Variants in MAPRE2 observed in about 807,000 individuals in gnomAD.
MAPRE2 encodes the protein microtubule associated protein RP/EB family member 2, also known as microtubule-associated protein RP/EB family member 2.
Under a neutral mutation model 43.2 loss-of-function variants are expected in MAPRE2, and 13 were observed. The observed-to-expected ratio is 0.30, with a 90% confidence interval of 0.20 to 0.48. MAPRE2 has a LOEUF of 0.48. Among genes scored for constraint, MAPRE2 ranks in the 20% least tolerant of loss-of-function variants. The probability of loss-of-function intolerance (pLI) is 0.99; values close to 1 mark genes in which losing one functional copy is unlikely to be tolerated. For synonymous variants in MAPRE2, 135 were observed against 148.8 expected (o/e 0.91, Z 0.68); for missense variants, 161 against 400.2 (o/e 0.40, Z 5.10).
chr18:35,015,210 G>T (rs563706158), intron 2 of MAPRE2, among the ~76,000 whole-genome samples: 1 of 152,056 alleles, frequency 6.6e-6, no homozygotes, highest in African/African-American at 2.4e-5. Flanking sequence ...AGGGATTCTG[G>T]TCCTGGTGAG....
At chr18:34,999,402 A>C (rs1367772064) in intron 1 of MAPRE2, among the ~76,000 whole-genome samples, 1 of 152,224 alleles carries the variant, frequency 6.6e-6, no homozygotes, top group Non-Finnish European at 1.5e-5. Context: ...TAAAATAGAA[A>C]GGGCAATCTT....
intron 2 of MAPRE2, among the ~76,000 whole-genome samples, chr18:35,027,281 C>T (rs142695453): frequency 6.6e-6 from 1 of 152,266 alleles, no homozygotes; most frequent in East Asian, 1.9e-4. Flanking sequence ...GCAGCCCTGA[C>T]CAGCAAAATA....
At chr18:34,985,246 A>ATATAAT (rs1491214764) in intron 1 of MAPRE2, among the ~76,000 whole-genome samples, 2 of 46,550 alleles carry the variant, frequency 4.3e-5, no homozygotes, top group East Asian at 1.5e-3. Context: ...TATATAATAT[A>ATATAAT]AAATATATAA....
At chr18:35,087,167 C>T (rs1372122770) in intron 2 of MAPRE2, among the ~76,000 whole-genome samples, 2 of 152,144 alleles carry the variant, frequency 1.3e-5, no homozygotes, top group South Asian at 2.1e-4. Flanking sequence ...TGTCCTCACA[C>T]TTGTCAGCTT....
At chr18:35,095,394 A>ACACGCG (rs1555917949) in intron 2 of MAPRE2, among the ~76,000 whole-genome samples, 1 of 145,490 alleles carries the variant, frequency 6.9e-6, no homozygotes, top group Non-Finnish European at 1.5e-5. Flanking sequence ...ACACACACAC[A>ACACGCG]CACACACGCA....
chr18:35,075,620 T>G (rs183427633), intron 2 of MAPRE2, among the ~76,000 whole-genome samples: 80 of 152,322 alleles, frequency 5.3e-4, no homozygotes, highest in African/African-American at 1.8e-3. Context: ...TGGAATATTA[T>G]TCATACTTGT....
intron 1 of MAPRE2, among the ~76,000 whole-genome samples, chr18:34,985,641 A>C (rs1328928884): frequency 2.1e-4 from 22 of 106,068 alleles, no homozygotes; most frequent in Admixed American, 1.9e-3. Flanking sequence ...ATATTATAAT[A>C]ATATATAACA....
intron 6 of MAPRE2, 37 bp downstream of exon 6, chr18:35,132,227 A>C: frequency 6.2e-7 from 1 of 1,604,642 alleles, no homozygotes; most frequent in Non-Finnish European, 8.5e-7. Context: ...GTGTTCTAAA[A>C]TGACTCTCTT....
At chr18:34,990,800 C>T (rs977868822) in intron 1 of MAPRE2, among the ~76,000 whole-genome samples, 2 of 152,126 alleles carry the variant, frequency 1.3e-5, no homozygotes, top group South Asian at 2.1e-4. Context: ...GCAGAAGGAT[C>T]GCTTGAGGCC....
chr18:34,982,146 A>G (rs594030), intron 1 of MAPRE2, among the ~76,000 whole-genome samples: 12,627 of 152,012 alleles, frequency 0.083, 814 homozygotes, highest in African/African-American at 0.18. Context: ...GCCTCCCAGA[A>G]TGCTGGGATT....
chr18:35,017,107 C>T (rs1304312425), intron 2 of MAPRE2, among the ~76,000 whole-genome samples: 1 of 151,494 alleles, frequency 6.6e-6, no homozygotes, highest in East Asian at 1.9e-4. Context: ...GATCAGGTGG[C>T]TGTGTCCCTT....
At chr18:35,045,893 C>G (rs2150601414) in intron 1 of MAPRE2, among the ~76,000 whole-genome samples, 1 of 152,300 alleles carries the variant, frequency 6.6e-6, no homozygotes, top group East Asian at 1.9e-4. Flanking sequence ...TGCTTTAGTA[C>G]ATGCCCAACT....
chr18:35,051,172 C>T (rs1249864671), intron 1 of MAPRE2, among the ~76,000 whole-genome samples: 1 of 152,128 alleles, frequency 6.6e-6, no homozygotes, highest in Non-Finnish European at 1.5e-5. Context: ...CCTACCCCCA[C>T]CCCATCTCTC....
At chr18:34,985,736 T>TATATATTATATATGTAATATATAAA (rs1229592513) in intron 1 of MAPRE2, among the ~76,000 whole-genome samples, 1 of 92,100 alleles carries the variant, frequency 1.1e-5, no homozygotes, top group Non-Finnish European at 2.4e-5. Flanking sequence ...AATATATAAA[T>TATATATTATATATGTAATATATAAA]ATATATTATA....
chr18:35,106,613 T>C (rs1384539709), intron 4 of MAPRE2, among the ~76,000 whole-genome samples: 2 of 152,266 alleles, frequency 1.3e-5, no homozygotes, highest in East Asian at 1.9e-4. Flanking sequence ...TTTAAGAACA[T>C]GCTAGATTTT....
chr18:35,089,483 A>G (rs1382982122), intron 2 of MAPRE2, among the ~76,000 whole-genome samples: 5 of 152,180 alleles, frequency 3.3e-5, no homozygotes, highest in Non-Finnish European at 4.4e-5. Context: ...CCATTTAAGA[A>G]ACAAGCAAAG....
chr18:35,138,777 T>C (rs1166888132), intron 6 of MAPRE2, among the ~76,000 whole-genome samples: 2 of 152,078 alleles, frequency 1.3e-5, no homozygotes, highest in South Asian at 2.1e-4. Flanking sequence ...AGCAGTTAAG[T>C]TCTAGACCCA....
At chr18:35,012,460 A>G (rs558487762) in intron 2 of MAPRE2, among the ~76,000 whole-genome samples, 2 of 152,308 alleles carry the variant, frequency 1.3e-5, no homozygotes, top group Admixed American at 1.3e-4. Flanking sequence ...TGTTCACAGC[A>G]GCAGCATTCA....
intron 2 of MAPRE2, among the ~76,000 whole-genome samples, chr18:35,011,590 C>T (rs2097034695): frequency 6.6e-6 from 1 of 152,064 alleles, no homozygotes; most frequent in Non-Finnish European, 1.5e-5. Flanking sequence ...TTAGAATGGT[C>T]ACTCTGATGG....
Sources: gnomAD v4.1 joint callset for allele counts (sites outside exome capture counted in the v4.1 genomes callset) on GRCh38, gnomAD v4.1.1 for gene constraint, MANE v1.5 for transcripts, NCBI Gene and HGNC (gene_info 2026-07-23, HGNC 2026-07-21) for gene names.